The following TOP1 variants were observed in gnomAD, a reference collection of about 807,000 sequenced individuals.
The protein encoded by TOP1 is DNA topoisomerase 1.
A neutral mutation model predicts 111.1 loss-of-function variants in TOP1; 10 were observed. The observed-to-expected ratio is 0.09, with a 90% CI of 0.06 to 0.15. The LOEUF is 0.15. Ranked by LOEUF, TOP1 falls within the 10% of genes least tolerant of loss-of-function variation. The pLI is 1.00. For missense variants in TOP1, 474 were observed against 926.7 expected (o/e 0.51, Z 6.34); for synonymous variants, 271 against 302.9 (o/e 0.89, Z 1.10).
In TOP1 at chr20:41,029,130, G is replaced by A; in HGVS notation, c.33+30G>A. 2 of 1,469,492 alleles carry A rather than the reference G, an allele frequency of 1.4e-6. No homozygotes were observed. The highest frequency in any genetic ancestry group is 3.0e-5 in the East Asian group (1 of 33,642). 91.0% of individuals were successfully genotyped at this position (1,469,492 alleles called of 1,614,324 possible). A position where few individuals can be genotyped will look rare whatever the true frequency, so the allele number is the denominator to read the frequency against. ...GGCCCGGCCTGACCCTGGCGGCCCC[G>A]GACCCCGGCCTGGCCGTCCCGCGAC... On this transcript the variant is annotated intron_variant, in intron 1 of 20. Coordinates refer to ENST00000361337, the MANE Select transcript of TOP1 (RefSeq NM_003286.4). This position sits in a 1 kb window ranked among gnomAD's most constrained non-coding sequence, Gnocchi z 6.1.
At position 41,029,331 on chromosome 20, in the gene TOP1, C is replaced by G. The variant is rs1369281441; in HGVS notation, c.34-100C>G. On this transcript the variant is annotated intron_variant, in intron 1 of 20. Coordinates refer to ENST00000361337, the MANE Select transcript of TOP1 (RefSeq NM_003286.4). The surrounding 1 kb of genome is among the most constrained non-coding windows in gnomAD (Gnocchi z 6.1). ...GTGGCCACCCCCGGGTCCCCGTCCT[C>G]CCCGGGGGCGCAGGGTGAGCCAGAC... is the stretch of plus-strand genomic sequence containing the variant. The G allele has an allele frequency of 1.7e-6, 2 of 1,145,196 alleles. No homozygotes were observed. Among genetic ancestry groups the G allele is most frequent in the African/African-American group, 3.2e-5 (2 of 61,756 alleles). The allele number at this position is 1,145,196 out of a possible 1,614,324, so 70.9% of individuals were successfully genotyped here. A position where few individuals can be genotyped will look rare whatever the true frequency, so the allele number is the denominator to read the frequency against.
In TOP1 at chr20:41,058,273, A is replaced by G. The variant is rs1238319697; in HGVS notation, c.59-3121A>G. Among the ~76,000 whole-genome samples the G allele has an allele frequency of 2.6e-5, 4 of 152,242 alleles. No individual in the cohort carries two copies. Among genetic ancestry groups the G allele is most frequent in the Non-Finnish European group, 4.4e-5 (3 of 68,048 alleles). ...CTATGCATTATTAATTGATTGCTAT[A>G]AAACATGTTGCCTCAAAATATAATA... On this transcript the variant is annotated intron_variant, in intron 2 of 20. Transcript: ENST00000361337. This position sits in a 1 kb window ranked among gnomAD's most constrained non-coding sequence, Gnocchi z 4.2.
In TOP1 at chr20:41,115,464, T is replaced by G. The variant is rs764979749; in HGVS notation, c.1707+25T>G. 2.5e-6 allele frequency: 4 copies of G among 1,581,936 alleles called. No individual in the cohort carries two copies. The South Asian group carries it at 4.4e-5, about 18-fold the overall frequency. The stretch of plus-strand genomic sequence containing the variant: ...TGTGAGTAGATGAAGCACACAATGT[T>G]GAAGGGAGTCCCAGCCAGAGCCTCA... On this transcript the variant is annotated intron_variant, in intron 16 of 20. Transcript: ENST00000361337. The surrounding 1 kb of genome is among the most constrained non-coding windows in gnomAD (Gnocchi z 6.3).
chr20:41,061,448 A>G lies in TOP1; in HGVS notation c.113A>G (p.His38Arg). 6.2e-7 allele frequency: 1 copy of G among 1,613,270 alleles called. No individual in the cohort carries two copies. The highest frequency in any genetic ancestry group is 8.5e-7 in the Non-Finnish European group (1 of 1,179,544). Residue 38 changes from histidine (H) to arginine (R), a missense_variant, in exon 3 of 21, where the codon CAC (histidine) becomes CGC (arginine). His to Arg is a conservative substitution (Grantham distance 29). Coordinates refer to ENST00000361337, the MANE Select transcript of TOP1 (RefSeq NM_003286.4). This position sits in a 1 kb window ranked among gnomAD's most constrained non-coding sequence, Gnocchi z 4.6. The stretch of plus-strand genomic sequence containing the variant: ...GATCGAGAACACCGGCACAAAGAAC[A>G]CAAGAAGGAGAAGGACCGGGAAAAG... Reference protein sequence around the residue: ...HKDREHRHKEHKKEKDREKSK... With the variant: ...HKDREHRHKERKKEKDREKSK...
rs1264719886 is a variant in TOP1 at position 41,030,326 on chromosome 20, C to G, written c.58+871C>G. ...TGGAAGGAAAGATTGTTGAGCATCTCTTGTGGACCTGGTGTGTTGGCCTTT... is the reference window on the plus strand; with the variant it reads ...TGGAAGGAAAGATTGTTGAGCATCTGTTGTGGACCTGGTGTGTTGGCCTTT... On this transcript the variant is annotated intron_variant, in intron 2 of 20. Coordinates refer to ENST00000361337, the MANE Select transcript of TOP1 (RefSeq NM_003286.4). The surrounding 1 kb of genome is among the most constrained non-coding windows in gnomAD (Gnocchi z 4.1). Among the ~76,000 whole-genome samples, 1 of 152,122 alleles carries G rather than the reference C, an allele frequency of 6.6e-6. No individual in the cohort carries two copies. The highest frequency in any genetic ancestry group is 1.5e-5 in the Non-Finnish European group (1 of 68,026).
chr20:41,120,467 A>G (rs1338033695), intron 18 of TOP1, among the ~76,000 whole-genome samples: 1 of 152,198 alleles, frequency 6.6e-6, no homozygotes, highest in Non-Finnish European at 1.5e-5. Flanking sequence ...GACCATAGGT[A>G]TGGGGTTCTC....
intron 8 of TOP1, among the ~76,000 whole-genome samples, chr20:41,085,659 CCTTTCCAG>C (rs983444217): frequency 2.6e-5 from 4 of 152,210 alleles, no homozygotes; most frequent in Non-Finnish European, 2.9e-5. Context: ...TTCTCATTTT[CCTTTCCAG>C]CTTTCCAGCT....
chr20:41,051,982 A>G (rs1472071320), intron 2 of TOP1, among the ~76,000 whole-genome samples: 1 of 152,156 alleles, frequency 6.6e-6, no homozygotes, highest in Non-Finnish European at 1.5e-5. Context: ...ACACACAAAT[A>G]TTGATTGACT....
intron 14 of TOP1, 120 bp from the exon 15 acceptor site, chr20:41,113,850 T>C: frequency 1.2e-6 from 1 of 807,464 alleles, no homozygotes; most frequent in Non-Finnish European, 1.8e-6. Flanking sequence ...GCCATTGCAC[T>C]CTAGCCTGGC....
chr20:41,040,991 A>T (rs1488928933), intron 2 of TOP1, among the ~76,000 whole-genome samples: 1 of 152,144 alleles, frequency 6.6e-6, no homozygotes, highest in African/African-American at 2.4e-5. Context: ...TGAGAGTTCT[A>T]AACATCTCAG....
In TOP1 at chr20:41,080,822, G is replaced by T. The variant is rs1411346935; in HGVS notation, c.432-343G>T. 1.3e-5 allele frequency among the ~76,000 whole-genome samples: 2 copies of T among 151,850 alleles called. No homozygotes were observed. The highest frequency in any genetic ancestry group is 2.4e-5 in the African/African-American group (1 of 41,362). The stretch of plus-strand genomic sequence containing the variant: ...TGGTAGCTAGTGTGCTGTGTGTTTG[G>T]TTCCCAAACTTTCATCTTTTATTTT... On this transcript the variant is annotated intron_variant, in intron 6 of 20. Transcript: ENST00000361337. This position sits in a 1 kb window ranked among gnomAD's most constrained non-coding sequence, Gnocchi z 5.0.
chr20:41,090,420 A>G (rs1263757736), intron 8 of TOP1, among the ~76,000 whole-genome samples: 1 of 152,128 alleles, frequency 6.6e-6, no homozygotes, highest in Non-Finnish European at 1.5e-5. Flanking sequence ...ATGATTTACA[A>G]ATATTTTCTC....
Position 41,115,523 on chromosome 20 carries a change from C to A in TOP1, c.1707+84C>A. The A allele has an allele frequency of 9.6e-7, 1 of 1,037,990 alleles. No individual in the cohort carries two copies. The highest frequency in any genetic ancestry group is 1.5e-6 in the Non-Finnish European group (1 of 663,530). The allele number at this position is 1,037,990 out of a possible 1,614,324, so 64.3% of individuals were successfully genotyped here. A position where few individuals can be genotyped will look rare whatever the true frequency, so the allele number is the denominator to read the frequency against. Reference sequence around the variant, plus strand: ...AAAGGGGAGGGTTGCTGGCAGATGACTTGGGCTCTCCCTTTAGCCTGGCCT... The same window carrying A: ...AAAGGGGAGGGTTGCTGGCAGATGAATTGGGCTCTCCCTTTAGCCTGGCCT... On this transcript the variant is annotated intron_variant, in intron 16 of 20. Transcript: ENST00000361337. The surrounding 1 kb of genome is among the most constrained non-coding windows in gnomAD (Gnocchi z 6.3).
rs2033334647 is a variant in TOP1 at position 41,046,391 on chromosome 20, A to T, written c.59-15003A>T. Among the ~76,000 whole-genome samples the T allele has an allele frequency of 6.6e-6, 1 of 152,198 alleles. No homozygotes were observed. Among genetic ancestry groups the T allele is most frequent in the South Asian group, 2.1e-4 (1 of 4,830 alleles). The stretch of plus-strand genomic sequence containing the variant: ...GCCACAGCCTGAGTTCTTAGTTGTG[A>T]TACAAAACAAGGTAAAGGGGGACCT... On this transcript the variant is annotated intron_variant, in intron 2 of 20. Transcript: ENST00000361337. The surrounding 1 kb of genome is among the most constrained non-coding windows in gnomAD (Gnocchi z 4.3).
At position 41,116,090 on chromosome 20, in the gene TOP1, A is replaced by G. The variant is rs896481525; in HGVS notation, c.1708-188A>G. ...CTGTCATACACACACACAAAGATTG[A>G]AATACTTCATAGAGAGGCATCATGT... On this transcript the variant is annotated intron_variant, in intron 16 of 20. Transcript: ENST00000361337. The surrounding 1 kb of genome is among the most constrained non-coding windows in gnomAD (Gnocchi z 5.6). Among the ~76,000 whole-genome samples the G allele has an allele frequency of 6.6e-6, 1 of 152,154 alleles. No homozygotes were observed. Among genetic ancestry groups the G allele is most frequent in the Non-Finnish European group, 1.5e-5 (1 of 68,038 alleles).
At chr20:41,073,473 GT>G in intron 3 of TOP1, 2 of 985,110 alleles carry the variant, frequency 2.0e-6, no homozygotes, top group Non-Finnish European at 1.2e-6. Context: ...ATTCTAGAAA[GT>G]TTCTCCTCGA....
In TOP1 at chr20:41,115,368, T is replaced by C; in HGVS notation, c.1639-3T>C. Reference sequence around the variant, plus strand: ...ATAATTAGGATTCACTTATATCTTTTAGGTTTTTAAGAACCTACAACTATT... The same window carrying C: ...ATAATTAGGATTCACTTATATCTTTCAGGTTTTTAAGAACCTACAACTATT... On this transcript the variant is annotated splice_region_variant and splice_polypyrimidine_tract_variant and intron_variant, in intron 15 of 20. Coordinates refer to ENST00000361337, the MANE Select transcript of TOP1 (RefSeq NM_003286.4). The surrounding 1 kb of genome is among the most constrained non-coding windows in gnomAD (Gnocchi z 6.3). The C allele has an allele frequency of 2.5e-6, 4 of 1,605,328 alleles. No homozygotes were observed. The highest frequency in any genetic ancestry group is 3.4e-6 in the Non-Finnish European group (4 of 1,172,542).
rs576886874 is a variant in TOP1 at position 41,092,072 on chromosome 20, C to T, written c.615-400C>T. ...ATAGGGTTGTTTTCTCCTCTACCTT[C>T]CATCTGACGTCACCACTCTGAGGAG... On this transcript the variant is annotated intron_variant, in intron 8 of 20. Coordinates refer to ENST00000361337, the MANE Select transcript of TOP1 (RefSeq NM_003286.4). The surrounding 1 kb of genome is among the most constrained non-coding windows in gnomAD (Gnocchi z 4.3). 8.5e-5 allele frequency among the ~76,000 whole-genome samples: 13 copies of T among 152,286 alleles called. No homozygotes were observed. The highest frequency in any genetic ancestry group is 2.0e-4 in the Admixed American group (3 of 15,298).
rs986496045 is a variant in TOP1 at position 41,115,854 on chromosome 20, T to G, written c.1707+415T>G. ...TGGCTTACGCCTGTTATCCCAGCAC[T>G]TTGAGAGGTCAAGTAGGGCAGATCC... On this transcript the variant is annotated intron_variant, in intron 16 of 20. Coordinates refer to ENST00000361337, the MANE Select transcript of TOP1 (RefSeq NM_003286.4). The surrounding 1 kb of genome is among the most constrained non-coding windows in gnomAD (Gnocchi z 6.3). 1.3e-5 allele frequency among the ~76,000 whole-genome samples: 2 copies of G among 152,154 alleles called. No homozygotes were observed. The highest frequency in any genetic ancestry group is 2.1e-4 in the South Asian group (1 of 4,816).
Sources: allele counts gnomAD v4.1 joint callset (sites outside exome capture counted in the v4.1 genomes callset), GRCh38; gene constraint gnomAD v4.1.1; non-coding constraint Gnocchi (gnomAD v3.1); transcripts MANE v1.5; gene names NCBI Gene and HGNC (gene_info 2026-07-23, HGNC 2026-07-21).